POU6F2: variants seen among roughly 807,000 people sequenced by gnomAD.
POU6F2 encodes the protein POU domain, class 6, transcription factor 2.
A neutral mutation model predicts 71.3 loss-of-function variants in POU6F2; 31 were observed. That is an observed-to-expected ratio of 0.43 (90% confidence interval 0.33 to 0.59). POU6F2 has a LOEUF of 0.59. Among genes scored for constraint, POU6F2 ranks in the 20% least tolerant of loss-of-function variants. The probability of loss-of-function intolerance (pLI) is 0.04; values close to 1 mark genes in which losing one functional copy is unlikely to be tolerated. For synonymous variants in POU6F2, 347 were observed against 355.7 expected, an observed-to-expected ratio of 0.98 and a Z score of 0.27; for missense variants, 783 against 856.8, an observed-to-expected ratio of 0.91 and a Z score of 1.07.
At chr7:39,227,612 T>G (rs1794492970) in intron 4 of POU6F2, among the ~76,000 whole-genome samples, 1 of 146,232 alleles carries the variant, frequency 6.8e-6, no homozygotes, top group Non-Finnish European at 1.5e-5. Flanking sequence ...TGGAGTGCAG[T>G]GGCGCGATCT....
chr7:39,081,343 C>T (rs984329489), intron 1 of POU6F2, among the ~76,000 whole-genome samples: 6 of 152,158 alleles, frequency 3.9e-5, no homozygotes, highest in African/African-American at 1.4e-4. Flanking sequence ...AAGGCAAAGA[C>T]CTCCCATGGT....
chr7:39,286,549 G>A (rs146121045), intron 4 of POU6F2, among the ~76,000 whole-genome samples: 3 of 152,246 alleles, frequency 2.0e-5, no homozygotes, highest in Non-Finnish European at 2.9e-5. Flanking sequence ...CAGTTTTCTG[G>A]CCTCTCCTTG....
intron 4 of POU6F2, among the ~76,000 whole-genome samples, chr7:39,314,677 T>G (rs1453366848): frequency 6.6e-6 from 1 of 152,224 alleles, no homozygotes; most frequent in Non-Finnish European, 1.5e-5. Flanking sequence ...AAAACATTTA[T>G]TCTTACATTT....
chr7:39,026,521 G>T (rs982260418), intron 1 of POU6F2, among the ~76,000 whole-genome samples: 1 of 152,012 alleles, frequency 6.6e-6, no homozygotes, highest in African/African-American at 2.4e-5. Context: ...AACACCGCAT[G>T]TTCTCAGTCA....
At chr7:39,258,059 G>A (rs1339578501) in intron 4 of POU6F2, among the ~76,000 whole-genome samples, 1 of 152,160 alleles carries the variant, frequency 6.6e-6, no homozygotes, top group East Asian at 1.9e-4. Flanking sequence ...TACCTGGGGA[G>A]AAGAATGTGC....
At chr7:39,313,555 T>C (rs527467746) in intron 4 of POU6F2, among the ~76,000 whole-genome samples, 17 of 152,246 alleles carry the variant, frequency 1.1e-4, no homozygotes, top group African/African-American at 3.4e-4. Context: ...GCCATTCGAG[T>C]ATTTATTTAG....
chr7:39,069,590 C>T (rs1312838000), intron 1 of POU6F2, among the ~76,000 whole-genome samples: 2 of 152,122 alleles, frequency 1.3e-5, no homozygotes, highest in Admixed American at 6.5e-5. Flanking sequence ...TCCCCAAAAA[C>T]GTAACTGCCA....
intron 6 of POU6F2, among the ~76,000 whole-genome samples, chr7:39,418,957 A>ATATATG (rs1197445742): frequency 5.6e-3 from 430 of 77,264 alleles, no homozygotes; most frequent in African/African-American, 0.024. Context: ...GTATATATGT[A>ATATATG]TATATATGTG....
intron 6 of POU6F2, among the ~76,000 whole-genome samples, chr7:39,414,327 A>T (rs1045869540): frequency 2.0e-5 from 3 of 152,144 alleles, no homozygotes; most frequent in Non-Finnish European, 4.4e-5. Context: ...GAGATAAGGG[A>T]TCTCAAACTG....
chr7:39,412,765 TCA>T (rs1206779993), intron 6 of POU6F2, among the ~76,000 whole-genome samples: 4 of 147,692 alleles, frequency 2.7e-5, no homozygotes, highest in Non-Finnish European at 6.0e-5. Context: ...CGTATTAGCT[TCA>T]GTTTTCTTGC....
At chr7:39,242,727 A>G (rs1783750484) in intron 4 of POU6F2, among the ~76,000 whole-genome samples, 1 of 152,192 alleles carries the variant, frequency 6.6e-6, no homozygotes, top group African/African-American at 2.4e-5. Context: ...CTGAACAGAG[A>G]AAACACCTTG....
chr7:39,171,354 A>G (rs1353963571), intron 2 of POU6F2, among the ~76,000 whole-genome samples: 1 of 152,192 alleles, frequency 6.6e-6, no homozygotes, highest in African/African-American at 2.4e-5. Context: ...GAAATTAAAC[A>G]ATTTTCCTTA....
At chr7:39,122,649 G>T (rs73124427) in intron 2 of POU6F2, among the ~76,000 whole-genome samples, 2 of 150,470 alleles carry the variant, frequency 1.3e-5, no homozygotes, top group Non-Finnish European at 2.9e-5. Context: ...TTACCTGCTT[G>T]CTTATTGGGG....
intron 5 of POU6F2, among the ~76,000 whole-genome samples, chr7:39,366,660 C>T (rs918787446): frequency 4.6e-5 from 7 of 152,028 alleles, no homozygotes; most frequent in African/African-American, 1.2e-4. Context: ...AGGAAAGCAG[C>T]GTCCTCGGGA....
chr7:39,409,358 G>A (rs1280278319), intron 6 of POU6F2, among the ~76,000 whole-genome samples: 1 of 152,162 alleles, frequency 6.6e-6, no homozygotes, highest in Non-Finnish European at 1.5e-5. Context: ...GGTGGGGTGA[G>A]ATGGGGGTTC....
intron 5 of POU6F2, chr7:39,373,378 G>A (rs1786650779): frequency 4.4e-6 from 2 of 454,104 alleles, no homozygotes; most frequent in Non-Finnish European, 8.9e-6. Context: ...AATGCTATGA[G>A]CAACTCAAAT....
intron 4 of POU6F2, among the ~76,000 whole-genome samples, chr7:39,208,090 GT>G (rs1794059417): frequency 6.6e-6 from 1 of 152,148 alleles, no homozygotes; most frequent in Non-Finnish European, 1.5e-5. Flanking sequence ...TACAAAGTAT[GT>G]TTTAGTTATA....
chr7:38,999,727 G>A (rs1002242562), intron 1 of POU6F2, among the ~76,000 whole-genome samples: 6 of 152,140 alleles, frequency 3.9e-5, no homozygotes, highest in Non-Finnish European at 8.8e-5. Flanking sequence ...TGACAATGCT[G>A]TGCTTAATAG....
chr7:39,351,222 G>C (rs1014661857), intron 5 of POU6F2, among the ~76,000 whole-genome samples: 1 of 152,158 alleles, frequency 6.6e-6, no homozygotes, highest in African/African-American at 2.4e-5. Context: ...CGTAAGTATT[G>C]ATTGCATGAG....
Sources: allele counts gnomAD v4.1 joint callset (sites outside exome capture counted in the v4.1 genomes callset), GRCh38; gene constraint gnomAD v4.1.1; transcripts MANE v1.5; gene names NCBI Gene and HGNC (gene_info 2026-07-23, HGNC 2026-07-21).